ASTN2: variants seen among roughly 807,000 people sequenced by gnomAD.
ASTN2 encodes the protein astrotactin-2.
A neutral mutation model predicts 139.8 loss-of-function variants in ASTN2; 54 were observed. The observed-to-expected ratio is 0.39, with a 90% confidence interval of 0.31 to 0.48. ASTN2 has a LOEUF of 0.48. Ranked by LOEUF, ASTN2 falls within the 20% of genes least tolerant of loss-of-function variation. The pLI is 0.95. For synonymous variants in ASTN2, 756 were observed against 719.5 expected (o/e 1.05, Z -0.81); for missense variants, 1,565 against 1,725.1 (o/e 0.91, Z 1.64).
At chr9:116,714,111 C>T (rs777642448) in intron 16 of ASTN2, among the ~76,000 whole-genome samples, 4 of 152,210 alleles carry the variant, frequency 2.6e-5, no homozygotes, top group Admixed American at 2.0e-4. Flanking sequence ...TCTTCCAACA[C>T]ACATATACGC....
chr9:116,538,727 C>T (rs1382161617), intron 19 of ASTN2, among the ~76,000 whole-genome samples: 1 of 152,170 alleles, frequency 6.6e-6, no homozygotes, highest in Non-Finnish European at 1.5e-5. Flanking sequence ...ATGCATCCTA[C>T]AAGTGATGAT....
At chr9:116,952,001 C>G (rs533934331) in intron 10 of ASTN2, among the ~76,000 whole-genome samples, 1 of 152,214 alleles carries the variant, frequency 6.6e-6, no homozygotes, top group Non-Finnish European at 1.5e-5. Context: ...CCCAATAACT[C>G]ATGTGGTCAA....
chr9:116,736,552 G>C (rs1156322298), intron 13 of ASTN2, among the ~76,000 whole-genome samples: 1 of 152,120 alleles, frequency 6.6e-6, no homozygotes, highest in Non-Finnish European at 1.5e-5. Flanking sequence ...CCAAGAGGAG[G>C]ACCTTGCTGC....
At chr9:116,464,635 T>C (rs771622343) in intron 20 of ASTN2, among the ~76,000 whole-genome samples, 1 of 152,198 alleles carries the variant, frequency 6.6e-6, no homozygotes, top group Non-Finnish European at 1.5e-5. Flanking sequence ...GTTGCATATA[T>C]GGGAGTGGGG....
intron 1 of ASTN2, among the ~76,000 whole-genome samples, chr9:117,397,251 A>G (rs1193511644): frequency 2.0e-5 from 3 of 152,126 alleles, no homozygotes; most frequent in Non-Finnish European, 4.4e-5. Context: ...AAACAATCCA[A>G]TTACACTCTT....
At chr9:117,035,412 T>C (rs551685514) in intron 6 of ASTN2, among the ~76,000 whole-genome samples, 2 of 152,258 alleles carry the variant, frequency 1.3e-5, no homozygotes, top group South Asian at 2.1e-4. Context: ...TAAATATCAA[T>C]GCTAACGGAT....
intron 22 of ASTN2, 56 bp from the exon 23 acceptor site, chr9:116,426,144 C>T (rs1353543856): frequency 6.3e-7 from 1 of 1,588,434 alleles, no homozygotes; most frequent in African/African-American, 1.3e-5. Flanking sequence ...AGAGTTAGAC[C>T]TTTGAGGTAG....
chr9:116,991,588 A>T (rs1191971888), intron 7 of ASTN2, among the ~76,000 whole-genome samples: 1 of 28,826 alleles, frequency 3.5e-5, no homozygotes, highest in East Asian at 1.2e-3. Context: ...CCTCTTATTA[A>T]AAAAAAAAAA....
At chr9:117,333,762 C>T (rs1002266340) in intron 1 of ASTN2, among the ~76,000 whole-genome samples, 2 of 152,094 alleles carry the variant, frequency 1.3e-5, no homozygotes, top group African/African-American at 4.8e-5. Context: ...CTTCAGCTTC[C>T]CAAAGTGCTA....
At chr9:116,873,575 C>T (rs1440912720) in intron 10 of ASTN2, among the ~76,000 whole-genome samples, 1 of 152,200 alleles carries the variant, frequency 6.6e-6, no homozygotes, top group Non-Finnish European at 1.5e-5. Context: ...AGAACTTTGG[C>T]TTAACATAGA....
chr9:117,017,798 C>A (rs1837760177), intron 6 of ASTN2, among the ~76,000 whole-genome samples: 1 of 151,938 alleles, frequency 6.6e-6, no homozygotes, highest in South Asian at 2.1e-4. Context: ...TGTGTATATA[C>A]AATTGGTAAT....
chr9:116,496,899 T>C (rs1849685828), intron 19 of ASTN2, among the ~76,000 whole-genome samples: 1 of 152,060 alleles, frequency 6.6e-6, no homozygotes. Context: ...AGGTAAAACC[T>C]GCCCCCATGA....
intron 3 of ASTN2, among the ~76,000 whole-genome samples, chr9:117,213,405 T>C (rs1402797846): frequency 6.6e-6 from 1 of 152,168 alleles, no homozygotes; most frequent in African/African-American, 2.4e-5. Flanking sequence ...TAAAGATTAC[T>C]TATTAATGTA....
At chr9:116,631,234 T>C (rs1232892955) in intron 17 of ASTN2, among the ~76,000 whole-genome samples, 1 of 152,210 alleles carries the variant, frequency 6.6e-6, no homozygotes, top group Non-Finnish European at 1.5e-5. Flanking sequence ...AAAATCAGTA[T>C]GCTAAAGAGA....
chr9:116,989,267 C>A (rs1044825128), intron 7 of ASTN2, among the ~76,000 whole-genome samples: 9 of 152,110 alleles, frequency 5.9e-5, no homozygotes, highest in Admixed American at 5.9e-4. Context: ...GTGTCCTGCC[C>A]ATGGCATCAG....
At chr9:117,147,034 T>C (rs1210057690) in intron 3 of ASTN2, among the ~76,000 whole-genome samples, 1 of 152,104 alleles carries the variant, frequency 6.6e-6, no homozygotes, top group Non-Finnish European at 1.5e-5. Context: ...GTACAATTAT[T>C]ATGTGTTCAT....
At chr9:116,981,360 G>A (rs766274126) in intron 7 of ASTN2, among the ~76,000 whole-genome samples, 2 of 152,204 alleles carry the variant, frequency 1.3e-5, no homozygotes, top group Admixed American at 6.5e-5. Context: ...CTCTGCTGAG[G>A]ACTGGAAGAA....
chr9:116,637,976 G>C (rs1857153394), intron 17 of ASTN2, among the ~76,000 whole-genome samples: 1 of 152,170 alleles, frequency 6.6e-6, no homozygotes, highest in South Asian at 2.1e-4. Flanking sequence ...GGATGTTCTA[G>C]TAGTGGTGGA....
chr9:116,986,023 T>C (rs1427310777), intron 7 of ASTN2, among the ~76,000 whole-genome samples: 4 of 152,156 alleles, frequency 2.6e-5, no homozygotes, highest in African/African-American at 7.2e-5. Context: ...ATTTTTAAAA[T>C]TGTCACAAGG....
Sources: gnomAD v4.1 joint callset for allele counts (sites outside exome capture counted in the v4.1 genomes callset) on GRCh38, gnomAD v4.1.1 for gene constraint, MANE v1.5 for transcripts, NCBI Gene and HGNC (gene_info 2026-07-23, HGNC 2026-07-21) for gene names.